DYSF: variants seen among roughly 807,000 people sequenced by gnomAD.
DYSF encodes dysferlin.
In DYSF, 212 loss-of-function variants were observed where a neutral mutation model predicts 274.9. The observed-to-expected ratio is 0.77, with a 90% confidence interval of 0.69 to 0.86. The LOEUF is 0.86. DYSF is among the 40% of genes least tolerant of loss of function. The pLI is 0.00. For synonymous variants in DYSF, 1,091 were observed against 1,078.7 expected (o/e 1.01, Z -0.22); for missense variants, 2,666 against 2,783.2 (o/e 0.96, Z 0.95).
At chr2:71,545,733 G>A (rs976729948) in intron 17 of DYSF, among the ~76,000 whole-genome samples, 2 of 152,126 alleles carry the variant, frequency 1.3e-5, no homozygotes, top group South Asian at 2.1e-4. Context: ...CGCTGCAGCC[G>A]TGCCTACCAC....
At chr2:71,554,452 G>T (rs1474832060) in intron 21 of DYSF, among the ~76,000 whole-genome samples, 4 of 152,184 alleles carry the variant, frequency 2.6e-5, no homozygotes, top group African/African-American at 4.8e-5. Flanking sequence ...AGAGATGTGG[G>T]GCTCCGAGCA....
At chr2:71,589,922 C>T (rs1279822575) in intron 31 of DYSF, among the ~76,000 whole-genome samples, 1 of 152,136 alleles carries the variant, frequency 6.6e-6, no homozygotes, top group East Asian at 1.9e-4. Flanking sequence ...GCATTTAAGG[C>T]CCTGCGCTCT....
chr2:71,555,070 T>C (rs1003181599), intron 21 of DYSF, among the ~76,000 whole-genome samples: 1 of 148,544 alleles, frequency 6.7e-6, no homozygotes, highest in Non-Finnish European at 1.5e-5. Flanking sequence ...TGAGCATGGC[T>C]TGAAGGAAAG....
chr2:71,594,982 C>T (rs760819443), intron 32 of DYSF, among the ~76,000 whole-genome samples: 2 of 152,236 alleles, frequency 1.3e-5, no homozygotes, highest in Non-Finnish European at 2.9e-5. Flanking sequence ...TAACCTCCCA[C>T]AGGATAGCCA....
chr2:71,540,721 T>C (rs2152769295), intron 17 of DYSF, among the ~76,000 whole-genome samples: 1 of 151,700 alleles, frequency 6.6e-6, no homozygotes, highest in Admixed American at 6.6e-5. Flanking sequence ...TATAAATGTC[T>C]TATTTATGTT....
At chr2:71,667,732 C>T (rs750649911) in intron 48 of DYSF, among the ~76,000 whole-genome samples, 5 of 152,146 alleles carry the variant, frequency 3.3e-5, no homozygotes, top group South Asian at 4.1e-4. Context: ...TCAGGGCCTG[C>T]GAAACGAGGC....
At position 71,570,594 on chromosome 2, in the gene DYSF, C is replaced by A; in HGVS notation, c.3086-5C>A. On this transcript the variant is annotated splice_region_variant and splice_polypyrimidine_tract_variant and intron_variant, in intron 28 of 55. Coordinates refer to ENST00000410020, the MANE Select transcript of DYSF (RefSeq NM_001130987.2). Reference sequence around the variant, plus strand: ...GCAATGAGTGACCGGTTCCCCCTCCCCCAGGCTGGGAGTATAGCATCACCA... The same window carrying A: ...GCAATGAGTGACCGGTTCCCCCTCCACCAGGCTGGGAGTATAGCATCACCA... 2 of 1,613,500 alleles carry A rather than the reference C, an allele frequency of 1.2e-6. No homozygotes were observed. Among genetic ancestry groups the A allele is most frequent in the Non-Finnish European group, 1.7e-6 (2 of 1,179,802 alleles).
At position 71,570,700 on chromosome 2, in the gene DYSF, C is replaced by T. The variant is rs2152815288; in HGVS notation, c.3187C>T (p.Leu1063=). Residue 1063 remains leucine (L), a synonymous_variant, in exon 29 of 56, where the codon CTG becomes TTG. Transcript: ENST00000410020. ...ACACCGACGGCGGCGCTGGGTGCGC[C>T]TGCGCAGGAGGGATCTCAGCCAAAT... The part of the protein sequence containing the change: ...YTHRRRRWVR[L]RRRDLSQMEA... The T allele has an allele frequency of 6.2e-7, 1 of 1,614,048 alleles. No individual in the cohort carries two copies.
At chr2:71,605,115 G>A (rs1341687403) in intron 36 of DYSF, among the ~76,000 whole-genome samples, 3 of 152,122 alleles carry the variant, frequency 2.0e-5, no homozygotes, top group Non-Finnish European at 4.4e-5. Flanking sequence ...TTTCCTTTTC[G>A]CTCTCCGGTC....
rs768456809 is a variant in DYSF at position 71,571,448 on chromosome 2, GCA to G, written c.3228+716_3228+717del. 1.5e-3 allele frequency among the ~76,000 whole-genome samples: 110 copies of G among 73,914 alleles called. 1 individual carries two copies. The highest frequency in any genetic ancestry group is 2.1e-3 in the Non-Finnish European group (74 of 35,958). 48.5% of individuals were successfully genotyped at this position (73,914 alleles called of 152,430 possible). ...AGTCAGCACACACAGATCACACCCAGCACACACACAGATCACACCCAGCACAC... is the reference window on the plus strand; with the variant it reads ...AGTCAGCACACACAGATCACACCCAGCACACACAGATCACACCCAGCACAC... On this transcript the variant is annotated intron_variant, in intron 29 of 55. Transcript: ENST00000410020.
chr2:71,598,506 A>T, intron 32 of DYSF, 58 bp from the exon 33 acceptor site: 1 of 1,601,542 alleles, frequency 6.2e-7, no homozygotes, highest in Non-Finnish European at 8.5e-7. Context: ...TCTGGAGAAG[A>T]CATCTCTCAG....
At chr2:71,529,505 AAG>A (rs1176407714) in intron 14 of DYSF, among the ~76,000 whole-genome samples, 1 of 152,248 alleles carries the variant, frequency 6.6e-6, no homozygotes, top group African/African-American at 2.4e-5. Context: ...GTATTTCGGC[AAG>A]AACTCAGAGT....
At chr2:71,530,732 G>T (rs538360464) in intron 14 of DYSF, among the ~76,000 whole-genome samples, 1 of 152,256 alleles carries the variant, frequency 6.6e-6, no homozygotes, top group Non-Finnish European at 1.5e-5. Context: ...TCTGCCCTAA[G>T]CCACCTCCTT....
intron 40 of DYSF, 143 bp from the exon 41 acceptor site, chr2:71,620,404 C>A: frequency 1.1e-6 from 1 of 869,832 alleles, no homozygotes; most frequent in Non-Finnish European, 1.9e-6. Flanking sequence ...TGGAGCCAGG[C>A]TTGTCCAACT....
intron 30 of DYSF, 144 bp from the exon 31 acceptor site, chr2:71,589,449 C>T: frequency 1.4e-6 from 1 of 705,426 alleles, no homozygotes; most frequent in South Asian, 1.5e-5. Context: ...GGTTGAGCTC[C>T]CCAGAATGAA....
intron 17 of DYSF, among the ~76,000 whole-genome samples, chr2:71,548,590 G>T (rs915503894): frequency 7.9e-5 from 12 of 152,150 alleles, no homozygotes; most frequent in Non-Finnish European, 1.3e-4. Context: ...AGCAGTGAGG[G>T]ACAGATTCAG....
rs2095060583 is a variant in DYSF, at chr2:71,668,606, T to C, written c.5458-148T>C. ...CAGTGGTCACCTCTGCGGTTGACCC[T>C]GTAGTCCCCTGTTTAGGGCAGTGAG... On this transcript the variant is annotated intron_variant, in intron 48 of 55. Coordinates refer to ENST00000410020, the MANE Select transcript of DYSF (RefSeq NM_001130987.2). The C allele has an allele frequency of 8.2e-6, 6 of 732,140 alleles. No homozygotes were observed. The Admixed American group carries it at 9.2e-5, about 11-fold the overall frequency. The allele number at this position is 732,140 out of a possible 1,614,324, so 45.4% of individuals were successfully genotyped here. A position where few individuals can be genotyped will look rare whatever the true frequency, so the allele number is the denominator to read the frequency against.
intron 17 of DYSF, 24 bp downstream of exon 17, chr2:71,539,263 C>T (rs1237127504): frequency 3.1e-6 from 5 of 1,602,846 alleles, no homozygotes; most frequent in East Asian, 2.2e-5. Context: ...TCGTTCTGCC[C>T]TTTGACCCCC....
intron 1 of DYSF, among the ~76,000 whole-genome samples, chr2:71,472,075 T>C (rs548111443): frequency 6.6e-6 from 1 of 152,314 alleles, no homozygotes; most frequent in South Asian, 2.1e-4. Context: ...CTTATATGGA[T>C]GCACCATCAT....
Sources: allele counts gnomAD v4.1 joint callset (sites outside exome capture counted in the v4.1 genomes callset), GRCh38; gene constraint gnomAD v4.1.1; transcripts MANE v1.5; gene names NCBI Gene and HGNC (gene_info 2026-07-23, HGNC 2026-07-21).